Variants in KIAA1549 observed in about 807,000 individuals in gnomAD.
KIAA1549 encodes KIAA1549.
KIAA1549 carries 70 observed loss-of-function variants against 156.4 expected under a neutral mutation model. The observed-to-expected ratio is 0.45, with a 90% CI of 0.37 to 0.55. KIAA1549 has a LOEUF of 0.55. KIAA1549 is among the 20% of genes least tolerant of loss of function. KIAA1549 has a pLI of 0.00. For missense variants in KIAA1549, 2,428 were observed against 2,540.9 expected, an observed-to-expected ratio of 0.96 and a Z score of 0.96; for synonymous variants, 1,103 against 1,066.4, an observed-to-expected ratio of 1.03 and a Z score of -0.67.
intron 1 of KIAA1549, among the ~76,000 whole-genome samples, chr7:138,946,890 C>A (rs1813353640): frequency 6.6e-6 from 1 of 152,146 alleles, no homozygotes; most frequent in South Asian, 2.1e-4. Context: ...GGTGAGACTG[C>A]CCAACTGAGA....
At chr7:138,867,224 T>C (rs945827545) in intron 15 of KIAA1549, among the ~76,000 whole-genome samples, 2 of 152,086 alleles carry the variant, frequency 1.3e-5, no homozygotes, top group Admixed American at 6.5e-5. Flanking sequence ...CTCCTCTCAT[T>C]AGGAAACCCA....
chr7:138,889,940 T>A (rs1182208016), intron 10 of KIAA1549, among the ~76,000 whole-genome samples: 1 of 152,230 alleles, frequency 6.6e-6, no homozygotes. Context: ...AACCTAGAGT[T>A]CAGTCTGGCT....
intron 16 of KIAA1549, among the ~76,000 whole-genome samples, chr7:138,856,968 G>A (rs1188659570): frequency 6.6e-6 from 1 of 152,142 alleles, no homozygotes; most frequent in Non-Finnish European, 1.5e-5. Context: ...AGGAAGGCTG[G>A]ATTTGGGCTT....
chr7:138,882,403 G>T (rs1811271015), intron 10 of KIAA1549, among the ~76,000 whole-genome samples: 1 of 152,214 alleles, frequency 6.6e-6, no homozygotes, highest in South Asian at 2.1e-4. Context: ...AGTCATATAG[G>T]AATGATGGCT....
At chr7:138,865,556 T>A (rs1584714038) in intron 15 of KIAA1549, among the ~76,000 whole-genome samples, 1 of 152,250 alleles carries the variant, frequency 6.6e-6, no homozygotes, top group African/African-American at 2.4e-5. Flanking sequence ...TTAAAGTGTT[T>A]CAGAATTCAA....
intron 9 of KIAA1549, among the ~76,000 whole-genome samples, chr7:138,897,224 A>G (rs1195173145): frequency 6.6e-6 from 1 of 152,206 alleles, no homozygotes; most frequent in Non-Finnish European, 1.5e-5. Flanking sequence ...TGCTTTTGCT[A>G]TTTTTTGCTC....
At chr7:138,848,997 A>G (rs1373742284) in intron 17 of KIAA1549, among the ~76,000 whole-genome samples, 2 of 152,206 alleles carry the variant, frequency 1.3e-5, no homozygotes, top group African/African-American at 4.8e-5. Context: ...CCTCCAGAGT[A>G]GCTGGGATTA....
chr7:138,856,948 A>G (rs1382267127), intron 16 of KIAA1549, among the ~76,000 whole-genome samples: 1 of 152,182 alleles, frequency 6.6e-6, no homozygotes, highest in East Asian at 1.9e-4. Context: ...TGAACAGAAG[A>G]AAAAGACAGA....
At chr7:138,920,681 C>A (rs1301429800) in intron 1 of KIAA1549, among the ~76,000 whole-genome samples, 1 of 152,202 alleles carries the variant, frequency 6.6e-6, no homozygotes, top group Non-Finnish European at 1.5e-5. Flanking sequence ...CTGATGAAAG[C>A]CCAGGGCCCA....
chr7:138,940,833 A>T (rs998150043), intron 1 of KIAA1549, among the ~76,000 whole-genome samples: 2 of 152,130 alleles, frequency 1.3e-5, no homozygotes, highest in African/African-American at 4.8e-5. Flanking sequence ...GTGTCTGTTC[A>T]TATCTTTCAC....
At chr7:138,915,546 C>T (rs147942790) in intron 2 of KIAA1549, among the ~76,000 whole-genome samples, 116 of 152,188 alleles carry the variant, frequency 7.6e-4, no homozygotes, top group Admixed American at 1.6e-3. Flanking sequence ...TCCTCGCTCC[C>T]ACCTGCCCAG....
At chr7:138,840,797 C>T (rs554555634) in intron 18 of KIAA1549, among the ~76,000 whole-genome samples, 1 of 152,326 alleles carries the variant, frequency 6.6e-6, no homozygotes, top group Admixed American at 6.5e-5. Flanking sequence ...GGTGACCCCT[C>T]CTCCCTGTGA....
intron 8 of KIAA1549, among the ~76,000 whole-genome samples, chr7:138,903,302 T>C (rs1186282525): frequency 6.6e-6 from 1 of 152,198 alleles, no homozygotes; most frequent in African/African-American, 2.4e-5. Flanking sequence ...AATGAGGTCC[T>C]GTGATGATAT....
chr7:138,955,038 C>T (rs1248907701), intron 1 of KIAA1549, among the ~76,000 whole-genome samples: 2 of 152,190 alleles, frequency 1.3e-5, no homozygotes, highest in Non-Finnish European at 2.9e-5. Context: ...CTGAAGCACC[C>T]TCTACTGGCT....
At chr7:138,935,765 G>C (rs1812992888) in intron 1 of KIAA1549, among the ~76,000 whole-genome samples, 1 of 152,212 alleles carries the variant, frequency 6.6e-6, no homozygotes, top group Non-Finnish European at 1.5e-5. Context: ...AACAGCTTAT[G>C]TGGCAGGCTC....
intron 1 of KIAA1549, among the ~76,000 whole-genome samples, chr7:138,930,399 C>A (rs1812836915): frequency 6.6e-6 from 1 of 152,200 alleles, no homozygotes; most frequent in African/African-American, 2.4e-5. Context: ...AGCTCTGAAG[C>A]CAAGCATTGA....
chr7:138,976,210 G>C (rs1020201625), intron 1 of KIAA1549, among the ~76,000 whole-genome samples: 1 of 152,076 alleles, frequency 6.6e-6, no homozygotes, highest in Admixed American at 6.6e-5. Flanking sequence ...CCAAGTAGCT[G>C]GGATTACAGG....
rs1201752539 is a variant in KIAA1549, at chr7:138,883,089, T to TAAAAAAAAAAAAAAAAAAAAAAAAAAA, written c.4033-1532_4033-1506dup. On this transcript the variant is annotated intron_variant, in intron 10 of 19. Transcript: ENST00000422774. ...CAACATGGTGAAACCCCATCTCCCC[T>TAAAAAAAAAAAAAAAAAAAAAAAAAAA]AAAAAAAAAAAAAAAAAAAAAAAAA... Among the ~76,000 whole-genome samples the TAAAAAAAAAAAAAAAAAAAAAAAAAAA allele has an allele frequency of 4.2e-5, 2 of 47,064 alleles. 1 individual carries two copies. Among genetic ancestry groups the TAAAAAAAAAAAAAAAAAAAAAAAAAAA allele is most frequent in the African/African-American group, 1.7e-4 (2 of 11,540 alleles). 30.9% of individuals were successfully genotyped at this position (47,064 alleles called of 152,430 possible).
intron 1 of KIAA1549, among the ~76,000 whole-genome samples, chr7:138,920,924 A>G (rs1812547580): frequency 6.6e-6 from 1 of 152,224 alleles, no homozygotes; most frequent in African/African-American, 2.4e-5. Flanking sequence ...ATTGCTTAAT[A>G]AATGTTTAAA....
Sources: gnomAD v4.1 joint callset for allele counts (sites outside exome capture counted in the v4.1 genomes callset) on GRCh38, gnomAD v4.1.1 for gene constraint, MANE v1.5 for transcripts, NCBI Gene and HGNC (gene_info 2026-07-23, HGNC 2026-07-21) for gene names.